Variants in FAM120B observed in about 807,000 individuals in gnomAD.
The protein encoded by FAM120B is family with sequence similarity 120 member B, also known as constitutive coactivator of peroxisome proliferator-activated receptor gamma.
Under a neutral mutation model 96.3 loss-of-function variants are expected in FAM120B, and 83 were observed. The ratio of observed to expected loss-of-function variants is 0.86; its 90% confidence interval spans 0.72 to 1.03. The LOEUF is 1.03. FAM120B is among the 50% of genes least tolerant of loss of function. FAM120B has a pLI of 0.00. For synonymous variants in FAM120B, 407 were observed against 402.7 expected (o/e 1.01, Z -0.13); for missense variants, 1,027 against 1,121.2 (o/e 0.92, Z 1.20).
In FAM120B at chr6:170,318,488, C is replaced by G. The variant is rs542443578; in HGVS notation, c.1098C>G (p.Pro366=). 6.3e-7 allele frequency: 1 copy of G among 1,586,552 alleles called. No homozygotes were observed. ...GCCCTGAATCCAGGCGAGAAGTTCC[C>G]GTGTATACAGATTCTGAACCCAGGC... ...CTGPESRREV[P]VYTDSEPRQE... Residue 366 remains proline, a synonymous_variant, in exon 2 of 11, where the codon CCC becomes CCG. Transcript: ENST00000476287.
intron 3 of FAM120B, among the ~76,000 whole-genome samples, chr6:170,327,115 T>C (rs527588932): frequency 8.5e-5 from 13 of 152,126 alleles, no homozygotes; most frequent in Admixed American, 1.3e-4. Flanking sequence ...AGCACAATCT[T>C]GGCTCACTGC....
In FAM120B at chr6:170,339,944, G is replaced by A. The variant is rs192538625; in HGVS notation, c.2018-8207G>A. 3.5e-3 allele frequency among the ~76,000 whole-genome samples: 539 copies of A among 152,056 alleles called. 2 individuals carry two copies. Among genetic ancestry groups the A allele is most frequent in the African/African-American group, 0.012 (492 of 41,468 alleles). On this transcript the variant is annotated intron_variant, in intron 4 of 10. Coordinates refer to ENST00000476287, the MANE Select transcript of FAM120B (RefSeq NM_032448.3). ...ACATTTTTTCCTTCATTTCAACCTT[G>A]GAGAATCTGACAATTAGGTGTCTTA...
At chr6:170,333,782 C>CGTATG (rs25636) in intron 4 of FAM120B, among the ~76,000 whole-genome samples, 16,035 of 152,054 alleles carry the variant, frequency 0.11, 1,026 homozygotes, top group East Asian at 0.2. Context: ...CACTGCCCAG[C>CGTATG]GTATGGGCCC....
intron 4 of FAM120B, among the ~76,000 whole-genome samples, chr6:170,332,155 C>A (rs1247472558): frequency 6.6e-6 from 1 of 152,218 alleles, no homozygotes; most frequent in African/African-American, 2.4e-5. Context: ...ACACTCATTT[C>A]CACAGCTGTT....
intron 3 of FAM120B, among the ~76,000 whole-genome samples, chr6:170,324,218 A>G (rs540186735): frequency 6.6e-6 from 1 of 152,290 alleles, no homozygotes; most frequent in Non-Finnish European, 1.5e-5. Flanking sequence ...CATCATTATT[A>G]TTTTTGGATG....
upstream of FAM120B, chr6:170,290,779 T>C (rs1409013913): frequency 1.9e-6 from 1 of 527,032 alleles, no homozygotes. The surrounding 1 kb of genome is among the most constrained non-coding windows in gnomAD (Gnocchi z 4.7). Flanking sequence ...TCCGCGTCTT[T>C]CCGATGAATC....
At chr6:170,307,186 G>A (rs1357134244) in intron 1 of FAM120B, among the ~76,000 whole-genome samples, 4 of 152,170 alleles carry the variant, frequency 2.6e-5, no homozygotes, top group African/African-American at 9.7e-5. Flanking sequence ...TGTGTGTTTG[G>A]CTCCTATATG....
intron 4 of FAM120B, among the ~76,000 whole-genome samples, chr6:170,346,338 T>C (rs1308503098): frequency 6.6e-6 from 1 of 152,212 alleles, no homozygotes; most frequent in Admixed American, 6.5e-5. Context: ...TGGAAACTTG[T>C]ATTTCAGAAT....
At chr6:170,290,948 C>A (rs1163102408), upstream of FAM120B, 1 of 699,900 alleles carries the variant, frequency 1.4e-6, no homozygotes, top group Non-Finnish European at 2.6e-6. This position sits in a 1 kb window ranked among gnomAD's most constrained non-coding sequence, Gnocchi z 4.7. Flanking sequence ...CGGCGCCTGC[C>A]GCCCTTATAT....
intron 6 of FAM120B, among the ~76,000 whole-genome samples, chr6:170,377,746 A>G (rs1463791556): frequency 2.0e-5 from 2 of 99,082 alleles, no homozygotes; most frequent in East Asian, 3.9e-4. Context: ...GGGAGAACAC[A>G]GGCTCACGCT....
At chr6:170,325,736 G>GATC (rs1024413699) in intron 3 of FAM120B, among the ~76,000 whole-genome samples, 1 of 151,746 alleles carries the variant, frequency 6.6e-6, no homozygotes, top group African/African-American at 2.4e-5. Context: ...AGCTACTTGA[G>GATC]AGGCTGAGGC....
chr6:170,367,405 C>G (rs906156205), intron 6 of FAM120B, among the ~76,000 whole-genome samples: 1 of 152,224 alleles, frequency 6.6e-6, no homozygotes, highest in Non-Finnish European at 1.5e-5. Context: ...TTTCTATGTC[C>G]GAAATGGTTT....
chr6:170,293,248 G>A (rs955905499), upstream of FAM120B, among the ~76,000 whole-genome samples: 3 of 152,138 alleles, frequency 2.0e-5, no homozygotes, highest in South Asian at 4.1e-4. Flanking sequence ...AAGAGAATGC[G>A]AGGTCAGAAT....
intron 6 of FAM120B, among the ~76,000 whole-genome samples, chr6:170,371,892 A>G (rs1789218207): frequency 1.3e-5 from 2 of 152,198 alleles, no homozygotes; most frequent in African/African-American, 4.8e-5. Flanking sequence ...TGGAAACCAA[A>G]TAACCGAGGG....
At chr6:170,389,095 C>T (rs370110069) in intron 7 of FAM120B, among the ~76,000 whole-genome samples, 14 of 152,128 alleles carry the variant, frequency 9.2e-5, no homozygotes, top group South Asian at 8.3e-4. Flanking sequence ...CTGCCTCAGG[C>T]GTGGCAGAGG....
At chr6:170,335,752 G>A (rs1302877512) in intron 4 of FAM120B, among the ~76,000 whole-genome samples, 1 of 152,176 alleles carries the variant, frequency 6.6e-6, no homozygotes, top group Non-Finnish European at 1.5e-5. Flanking sequence ...CATTCTGACT[G>A]GCATGAAATG....
chr6:170,293,303 A>C (rs1375827314), upstream of FAM120B, among the ~76,000 whole-genome samples: 5 of 151,236 alleles, frequency 3.3e-5, no homozygotes, highest in African/African-American at 1.2e-4. Flanking sequence ...TTCAGTAAGA[A>C]ATGAAATATC....
At chr6:170,338,621 G>A (rs1280238149) in intron 4 of FAM120B, among the ~76,000 whole-genome samples, 1 of 152,142 alleles carries the variant, frequency 6.6e-6, no homozygotes, top group East Asian at 1.9e-4. Flanking sequence ...ACAATGGGGT[G>A]TTAAAGTCTC....
chr6:170,299,078 T>G (rs1313036402), intron 1 of FAM120B, among the ~76,000 whole-genome samples: 2 of 152,270 alleles, frequency 1.3e-5, no homozygotes, highest in Non-Finnish European at 2.9e-5. Flanking sequence ...ACTTTCTTGC[T>G]TTTCCATTTT....
Sources: allele counts gnomAD v4.1 joint callset (sites outside exome capture counted in the v4.1 genomes callset), GRCh38; gene constraint gnomAD v4.1.1; non-coding constraint Gnocchi (gnomAD v3.1); transcripts MANE v1.5; gene names NCBI Gene and HGNC (gene_info 2026-07-23, HGNC 2026-07-21).